The following ATP8A2 variants were observed in gnomAD, a reference collection of about 807,000 sequenced individuals.
The protein encoded by ATP8A2 is phospholipid-transporting ATPase IB.
In ATP8A2, 100 loss-of-function variants were observed where a neutral mutation model predicts 165.6. The observed-to-expected ratio is 0.60, with a 90% CI of 0.51 to 0.71. ATP8A2 has a LOEUF of 0.71. ATP8A2 is among the 30% of genes least tolerant of loss of function. ATP8A2 has a pLI of 0.00. For missense variants in ATP8A2, 1,227 were observed against 1,479.5 expected (o/e 0.83, Z 2.80); for synonymous variants, 543 against 548.8 (o/e 0.99, Z 0.15).
chr13:25,474,552 ACT>A lies in ATP8A2; in HGVS notation c.221+5434_221+5435del, dbSNP rs571879505. Among the ~76,000 whole-genome samples, 148 of 150,170 alleles carry A rather than the reference ACT, an allele frequency of 9.9e-4. 1 individual carries two copies. Among genetic ancestry groups the A allele is most frequent in the Admixed American group, 6.0e-4 (9 of 15,024 alleles). ...ACTCTAGCCTGGGCGACAGAGCCAG[ACT>A]CTGTCTCAAAAAAAAGAAAAAAAAA... On this transcript the variant is annotated intron_variant, in intron 2 of 36. Transcript: ENST00000381655.
chr13:25,634,070 GACAA>G (rs1325707456), intron 24 of ATP8A2, among the ~76,000 whole-genome samples: 1 of 151,946 alleles, frequency 6.6e-6, no homozygotes, highest in Non-Finnish European at 1.5e-5. Flanking sequence ...GAGTGATAGA[GACAA>G]ACAAACTTTA....
At chr13:25,846,435 G>A (rs181636470) in intron 30 of ATP8A2, among the ~76,000 whole-genome samples, 52 of 152,240 alleles carry the variant, frequency 3.4e-4, no homozygotes, top group Non-Finnish European at 6.0e-4. Context: ...AGGATGAGTC[G>A]GAATGAGGTA....
rs985369003 is a variant in ATP8A2, at chr13:25,985,453, C to G, written c.3377+16774C>G. On this transcript the variant is annotated intron_variant, in intron 35 of 36. Coordinates refer to ENST00000381655, the MANE Select transcript of ATP8A2 (RefSeq NM_016529.6). ...AGAACTCTTATGTCAGTAGAAGATG[C>G]TTTCAGTTGCCGATACCAGAGACCT... Among the ~76,000 whole-genome samples, 44 of 152,186 alleles carry G rather than the reference C, an allele frequency of 2.9e-4. 1 individual carries two copies. The highest frequency in any genetic ancestry group is 1.0e-3 in the African/African-American group (43 of 41,446).
intron 24 of ATP8A2, among the ~76,000 whole-genome samples, chr13:25,668,756 A>G (rs980185233): frequency 3.3e-5 from 5 of 152,150 alleles, no homozygotes. Flanking sequence ...TTAACAGTAT[A>G]TAAAATATGC....
At chr13:25,584,422 G>T (rs2039863021) in intron 23 of ATP8A2, among the ~76,000 whole-genome samples, 1 of 152,076 alleles carries the variant, frequency 6.6e-6, no homozygotes, top group Non-Finnish European at 1.5e-5. Context: ...ACATTTTCAT[G>T]CATCCTGTGT....
intron 30 of ATP8A2, among the ~76,000 whole-genome samples, chr13:25,857,950 C>T (rs1952221127): frequency 6.6e-6 from 1 of 152,172 alleles, no homozygotes; most frequent in Admixed American, 6.5e-5. Context: ...CCTGTCTCCT[C>T]ACTAGACCAC....
chr13:25,536,750 C>A (rs1182806458), intron 6 of ATP8A2, among the ~76,000 whole-genome samples: 1 of 152,190 alleles, frequency 6.6e-6, no homozygotes, highest in Non-Finnish European at 1.5e-5. Flanking sequence ...TAGTAATGGT[C>A]TTCTGGTATC....
intron 24 of ATP8A2, among the ~76,000 whole-genome samples, chr13:25,671,572 G>A (rs556164140): frequency 3.2e-4 from 49 of 152,060 alleles, no homozygotes; most frequent in Non-Finnish European, 4.9e-4. Context: ...GGGTGTGGTC[G>A]TCTCTTATGG....
At chr13:25,379,843 CT>C (rs1410871277) in intron 1 of ATP8A2, among the ~76,000 whole-genome samples, 19 of 152,178 alleles carry the variant, frequency 1.2e-4, no homozygotes, top group Admixed American at 1.2e-3. Flanking sequence ...AATAAACAGT[CT>C]TTCTGGGTCC....
chr13:25,626,036 G>A (rs914683925), intron 24 of ATP8A2, among the ~76,000 whole-genome samples: 4 of 152,154 alleles, frequency 2.6e-5, no homozygotes, highest in African/African-American at 9.7e-5. Flanking sequence ...TGATTGTAAT[G>A]TGCCTTTCCA....
chr13:25,542,438 A>G (rs2038510559), intron 9 of ATP8A2, among the ~76,000 whole-genome samples: 1 of 150,790 alleles, frequency 6.6e-6, no homozygotes, highest in African/African-American at 2.4e-5. Context: ...TTGTTTTTAG[A>G]AAGTTGAGTG....
At chr13:25,599,213 T>C (rs1241074609) in intron 24 of ATP8A2, among the ~76,000 whole-genome samples, 13 of 152,244 alleles carry the variant, frequency 8.5e-5, no homozygotes, top group Admixed American at 2.6e-4. Flanking sequence ...GAGCTCTTTC[T>C]CTGTGCAGTT....
chr13:25,948,567 C>T (rs1222539736), intron 33 of ATP8A2, among the ~76,000 whole-genome samples: 1 of 152,122 alleles, frequency 6.6e-6, no homozygotes, highest in Admixed American at 6.5e-5. Context: ...TGCTTCAAAT[C>T]CCAGAGTTGC....
At chr13:25,828,230 C>T (rs1951369613) in intron 28 of ATP8A2, 38 bp downstream of exon 28, 1 of 1,484,888 alleles carries the variant, frequency 6.7e-7, no homozygotes, top group Non-Finnish European at 9.4e-7. Context: ...GCATGCAGAA[C>T]TTAGAACTTC....
intron 24 of ATP8A2, among the ~76,000 whole-genome samples, chr13:25,688,058 G>T (rs2042640319): frequency 6.6e-6 from 1 of 151,922 alleles, no homozygotes; most frequent in Non-Finnish European, 1.5e-5. Flanking sequence ...TACAGGCCTG[G>T]GATACTCACT....
intron 25 of ATP8A2, among the ~76,000 whole-genome samples, chr13:25,759,950 G>A (rs1169780422): frequency 2.0e-5 from 3 of 152,172 alleles, no homozygotes; most frequent in African/African-American, 4.8e-5. Context: ...TTGTGGACAT[G>A]CGATAAAATT....
At chr13:25,579,222 A>G (rs2039701433) in intron 21 of ATP8A2, among the ~76,000 whole-genome samples, 1 of 152,160 alleles carries the variant, frequency 6.6e-6, no homozygotes, top group South Asian at 2.1e-4. Context: ...TCCATGACTT[A>G]AGGAAATAAT....
chr13:25,851,889 G>A (rs1952017501), intron 30 of ATP8A2, among the ~76,000 whole-genome samples: 1 of 151,992 alleles, frequency 6.6e-6, no homozygotes, highest in South Asian at 2.1e-4. Context: ...GTCTCACTCT[G>A]TCACCCAGGC....
intron 2 of ATP8A2, among the ~76,000 whole-genome samples, chr13:25,490,255 G>T (rs951761402): frequency 6.6e-5 from 10 of 152,216 alleles, no homozygotes; most frequent in Non-Finnish European, 1.0e-4. Context: ...CAGCCTCCTG[G>T]CCTGTTTTTC....
Sources: allele counts gnomAD v4.1 joint callset (sites outside exome capture counted in the v4.1 genomes callset), GRCh38; gene constraint gnomAD v4.1.1; transcripts MANE v1.5; gene names NCBI Gene and HGNC (gene_info 2026-07-23, HGNC 2026-07-21).